Variants in DOCK1 observed in about 807,000 individuals in gnomAD.
DOCK1 encodes the protein dedicator of cytokinesis protein 1.
DOCK1 carries 138 observed loss-of-function variants against 262.7 expected under a neutral mutation model. The ratio of observed to expected loss-of-function variants is 0.53; its 90% confidence interval spans 0.46 to 0.61. The LOEUF is 0.61. DOCK1 is among the 20% of genes least tolerant of loss of function. The pLI, the probability that DOCK1 is intolerant of heterozygous loss-of-function variation, is 0.00. For synonymous variants in DOCK1, 866 were observed against 867.4 expected, an observed-to-expected ratio of 1.00 and a Z score of 0.03; for missense variants, 1,908 against 2,370.7, an observed-to-expected ratio of 0.80 and a Z score of 4.05.
At chr10:127,293,378 C>T (rs1307748083) in intron 29 of DOCK1, among the ~76,000 whole-genome samples, 4 of 152,222 alleles carry the variant, frequency 2.6e-5, no homozygotes, top group African/African-American at 9.6e-5. Context: ...AGTGTAGCTG[C>T]CTCTCCTTAC....
intron 1 of DOCK1, among the ~76,000 whole-genome samples, chr10:126,948,937 G>C (rs1000617813): frequency 2.6e-5 from 4 of 152,120 alleles, no homozygotes; most frequent in Admixed American, 6.5e-5. Context: ...GTATGCCTGG[G>C]CCCCGCAAGC....
chr10:127,309,864 G>A (rs1224658880), intron 29 of DOCK1, among the ~76,000 whole-genome samples: 1 of 151,786 alleles, frequency 6.6e-6, no homozygotes, highest in Non-Finnish European at 1.5e-5. Context: ...GTTAGGTTAA[G>A]GGAATACCAT....
chr10:127,441,543 G>A (rs74948683), intron 49 of DOCK1, among the ~76,000 whole-genome samples: 7,725 of 152,234 alleles, frequency 0.051, 645 homozygotes, highest in African/African-American at 0.17. Context: ...GACGGGTGCC[G>A]GCAAGGTCTG....
intron 29 of DOCK1, among the ~76,000 whole-genome samples, chr10:127,323,674 A>C (rs1448441733): frequency 6.6e-6 from 1 of 152,176 alleles, no homozygotes; most frequent in Admixed American, 6.5e-5. Context: ...GAGTTCTGCC[A>C]CCTACGAGCT....
intron 47 of DOCK1, among the ~76,000 whole-genome samples, chr10:127,426,335 C>T (rs182113997): frequency 2.6e-5 from 4 of 152,192 alleles, no homozygotes; most frequent in African/African-American, 9.6e-5. Flanking sequence ...GGCAACTCAG[C>T]TGGTTGACAG....
At chr10:127,292,539 C>A (rs531191540) in intron 29 of DOCK1, among the ~76,000 whole-genome samples, 7 of 152,166 alleles carry the variant, frequency 4.6e-5, no homozygotes, top group African/African-American at 1.7e-4. Flanking sequence ...AAACAGGGGC[C>A]TTGGGGCTGT....
chr10:127,079,344 C>T (rs779259689), intron 23 of DOCK1, among the ~76,000 whole-genome samples: 3 of 152,198 alleles, frequency 2.0e-5, no homozygotes, highest in Non-Finnish European at 4.4e-5. Context: ...GAGATTTAAA[C>T]TCTGTTCTGC....
At chr10:127,354,992 C>T (rs1209743316) in intron 32 of DOCK1, among the ~76,000 whole-genome samples, 2 of 152,198 alleles carry the variant, frequency 1.3e-5, no homozygotes, top group Admixed American at 6.5e-5. Flanking sequence ...CTTGGAGCTC[C>T]TCCCTCCCTG....
rs1300689108 is a variant in DOCK1, at chr10:127,425,322, T to C, written c.4777-552T>C. The stretch of plus-strand genomic sequence containing the variant: ...AGAACGTTTTTAAAGGTCAGCTTCA[T>C]CTCCACTCTCGGAAGTGAAGTGTTG... On this transcript the variant is annotated intron_variant, in intron 46 of 51. Coordinates refer to ENST00000623213, the MANE Select transcript of DOCK1 (RefSeq NM_001290223.2). Among the ~76,000 whole-genome samples the C allele has an allele frequency of 3.3e-5, 5 of 152,190 alleles. No homozygotes were observed. The East Asian group carries it at 9.6e-4, about 29-fold the overall frequency.
At chr10:126,989,607 C>T (rs935544669) in intron 5 of DOCK1, among the ~76,000 whole-genome samples, 7 of 152,090 alleles carry the variant, frequency 4.6e-5, no homozygotes, top group African/African-American at 1.4e-4. Context: ...GATTATAGGC[C>T]GGAGCTACCA....
chr10:127,167,643 A>G (rs2054197766), intron 27 of DOCK1, among the ~76,000 whole-genome samples: 1 of 152,094 alleles, frequency 6.6e-6, no homozygotes, highest in African/African-American at 2.4e-5. Context: ...TGTTCCTTTC[A>G]TATCAAAAAA....
At chr10:127,178,832 G>A (rs1358087754) in intron 27 of DOCK1, among the ~76,000 whole-genome samples, 3 of 152,158 alleles carry the variant, frequency 2.0e-5, no homozygotes, top group South Asian at 2.1e-4. Flanking sequence ...AGAAAGCATC[G>A]ATGGCTTTTA....
chr10:127,017,013 C>T (rs1565069162), intron 12 of DOCK1, among the ~76,000 whole-genome samples: 4 of 60,746 alleles, frequency 6.6e-5, no homozygotes, highest in African/African-American at 7.5e-5. Flanking sequence ...CACAAATAAA[C>T]ACAGATATGC....
chr10:126,949,972 G>C (rs1265230192), intron 1 of DOCK1, among the ~76,000 whole-genome samples: 2 of 151,976 alleles, frequency 1.3e-5, no homozygotes, highest in Non-Finnish European at 2.9e-5. Flanking sequence ...AGCTGGGTCA[G>C]AAACATTAGC....
At chr10:127,173,569 A>G (rs2054784017) in intron 27 of DOCK1, among the ~76,000 whole-genome samples, 1 of 152,056 alleles carries the variant, frequency 6.6e-6, no homozygotes, top group Admixed American at 6.5e-5. Context: ...TACATATTTC[A>G]TTTTACACCA....
At chr10:127,342,783 AT>A (rs10706879) in intron 30 of DOCK1, among the ~76,000 whole-genome samples, 62,707 of 151,760 alleles carry the variant, frequency 0.41, 13,505 homozygotes, top group Middle Eastern at 0.54. Context: ...TAAACCGCAT[AT>A]ATGTAGTCCA....
At chr10:127,313,834 A>G (rs75799092) in intron 29 of DOCK1, among the ~76,000 whole-genome samples, 5,397 of 151,556 alleles carry the variant, frequency 0.036, 316 homozygotes, top group African/African-American at 0.12. Context: ...CCTCGAGGGG[A>G]CTCCAAGAAC....
At chr10:127,218,256 C>G (rs975372384) in intron 27 of DOCK1, among the ~76,000 whole-genome samples, 7 of 152,182 alleles carry the variant, frequency 4.6e-5, no homozygotes, top group African/African-American at 1.7e-4. Context: ...GTTGTTTTAT[C>G]TAAACAGAAT....
chr10:126,919,774 C>T (rs961946900), intron 1 of DOCK1, among the ~76,000 whole-genome samples: 1 of 152,328 alleles, frequency 6.6e-6, no homozygotes, highest in Admixed American at 6.5e-5. Flanking sequence ...CTCCGTGTCC[C>T]CTGCTAGACG....
Sources: allele counts gnomAD v4.1 joint callset (sites outside exome capture counted in the v4.1 genomes callset), GRCh38; gene constraint gnomAD v4.1.1; transcripts MANE v1.5; gene names NCBI Gene and HGNC (gene_info 2026-07-23, HGNC 2026-07-21).